PDE4D: variants seen among roughly 807,000 people sequenced by gnomAD.
PDE4D encodes the protein phosphodiesterase 4D.
A neutral mutation model predicts 87.4 loss-of-function variants in PDE4D; 24 were observed. That is an observed-to-expected ratio of 0.27 (90% confidence interval 0.20 to 0.39). The LOEUF (loss-of-function observed/expected upper bound fraction) is 0.39. Among genes scored for constraint, PDE4D ranks in the 10% least tolerant of loss-of-function variants. The probability of loss-of-function intolerance (pLI) is 1.00; values close to 1 mark genes in which losing one functional copy is unlikely to be tolerated. For synonymous variants in PDE4D, 384 were observed against 383.2 expected, an observed-to-expected ratio of 1.00 and a Z score of -0.02; for missense variants, 714 against 1,041.0, an observed-to-expected ratio of 0.69 and a Z score of 4.32.
At chr5:60,191,155 CTG>C (rs1355679951) in intron 1 of PDE4D, among the ~76,000 whole-genome samples, 4 of 152,212 alleles carry the variant, frequency 2.6e-5, no homozygotes, top group Admixed American at 2.6e-4. Context: ...TCTACTGACT[CTG>C]AGGTCCAATA....
At chr5:59,584,927 G>A (rs1204458826) in intron 1 of PDE4D, among the ~76,000 whole-genome samples, 1 of 152,136 alleles carries the variant, frequency 6.6e-6, no homozygotes, top group Admixed American at 6.5e-5. Flanking sequence ...TTAATCTCAA[G>A]ATTAAAGACT....
chr5:59,737,734 TGACC>T (rs1353112646), intron 1 of PDE4D, among the ~76,000 whole-genome samples: 11 of 152,230 alleles, frequency 7.2e-5, no homozygotes, highest in African/African-American at 2.6e-4. Flanking sequence ...ATATTGCTAT[TGACC>T]CAATGTTTAA....
intron 3 of PDE4D, among the ~76,000 whole-genome samples, chr5:59,981,015 G>A (rs1422577521): frequency 6.6e-6 from 1 of 152,144 alleles, no homozygotes; most frequent in Non-Finnish European, 1.5e-5. Flanking sequence ...ACTTTGGGAG[G>A]CTGAGGCAGG....
chr5:59,531,955 C>T (rs1305364663), intron 1 of PDE4D, among the ~76,000 whole-genome samples: 1 of 152,146 alleles, frequency 6.6e-6, no homozygotes, highest in African/African-American at 2.4e-5. Flanking sequence ...CAAAAGGTCA[C>T]AGATTTTTAT....
chr5:59,292,514 T>C (rs1022635660), intron 1 of PDE4D, among the ~76,000 whole-genome samples: 1 of 152,180 alleles, frequency 6.6e-6, no homozygotes, highest in Non-Finnish European at 1.5e-5. Context: ...GTGGCTACTA[T>C]TAAACTCATT....
intron 1 of PDE4D, among the ~76,000 whole-genome samples, chr5:59,572,638 G>A (rs939772029): frequency 3.2e-4 from 48 of 152,112 alleles, no homozygotes; most frequent in African/African-American, 1.1e-3. Context: ...CCGCCACCAC[G>A]CCCAGCTAAT....
intron 2 of PDE4D, among the ~76,000 whole-genome samples, chr5:59,194,107 G>A (rs944434822): frequency 5.3e-5 from 8 of 152,182 alleles, no homozygotes; most frequent in African/African-American, 1.9e-4. Flanking sequence ...TACTCCTTGT[G>A]TGCTGTTGCT....
At chr5:59,625,418 AC>A (rs1830788239) in intron 1 of PDE4D, among the ~76,000 whole-genome samples, 1 of 151,966 alleles carries the variant, frequency 6.6e-6, no homozygotes, top group South Asian at 2.1e-4. Context: ...GCTGGTTAGC[AC>A]CTTAATTTCA....
At chr5:59,187,723 A>AC (rs1441526790) in intron 3 of PDE4D, among the ~76,000 whole-genome samples, 1 of 152,158 alleles carries the variant, frequency 6.6e-6, no homozygotes, top group Non-Finnish European at 1.5e-5. Flanking sequence ...TCTTGTAGAG[A>AC]AATTATTTCC....
At chr5:59,485,182 G>T (rs1804909678) in intron 1 of PDE4D, among the ~76,000 whole-genome samples, 1 of 152,154 alleles carries the variant, frequency 6.6e-6, no homozygotes, top group African/African-American at 2.4e-5. Flanking sequence ...ACAGTAAGTA[G>T]TTACTTGTTA....
At chr5:59,135,043 C>G (rs980298988) in intron 5 of PDE4D, among the ~76,000 whole-genome samples, 1 of 152,184 alleles carries the variant, frequency 6.6e-6, no homozygotes, top group African/African-American at 2.4e-5. Flanking sequence ...ATGTGCAATT[C>G]AGTGCGCACC....
At chr5:60,086,100 C>A (rs189495645) in intron 2 of PDE4D, among the ~76,000 whole-genome samples, 192 of 152,218 alleles carry the variant, frequency 1.3e-3, no homozygotes, top group African/African-American at 4.4e-3. Flanking sequence ...GCCAAAAATA[C>A]CACACACTGA....
chr5:59,829,208 A>G (rs1410679178), intron 1 of PDE4D, among the ~76,000 whole-genome samples: 1 of 152,054 alleles, frequency 6.6e-6, no homozygotes, highest in Non-Finnish European at 1.5e-5. Flanking sequence ...GGATACAGTC[A>G]CAGGAAAACA....
intron 1 of PDE4D, among the ~76,000 whole-genome samples, chr5:59,379,136 A>G (rs1785280449): frequency 6.6e-6 from 1 of 152,132 alleles, no homozygotes. Context: ...ACTAAGCCAC[A>G]ACACCCAAAC....
chr5:59,423,815 CTT>C (rs34296140), intron 1 of PDE4D, among the ~76,000 whole-genome samples: 13 of 142,390 alleles, frequency 9.1e-5, no homozygotes, highest in African/African-American at 2.1e-4. Flanking sequence ...GGAATGTAAC[CTT>C]TTTTTTTTTT....
At chr5:60,452,573 T>A (rs948365257) in intron 1 of PDE4D, among the ~76,000 whole-genome samples, 1 of 152,068 alleles carries the variant, frequency 6.6e-6, no homozygotes, top group African/African-American at 2.4e-5. Flanking sequence ...GAGTTTAAAA[T>A]TTGGTACAAA....
intron 1 of PDE4D, among the ~76,000 whole-genome samples, chr5:59,363,359 G>A (rs941055416): frequency 1.3e-5 from 2 of 152,234 alleles, no homozygotes; most frequent in African/African-American, 2.4e-5. Flanking sequence ...GAAGACTTAC[G>A]AAGTTGAAGT....
At chr5:60,310,255 T>C (rs1690081165) in intron 1 of PDE4D, among the ~76,000 whole-genome samples, 1 of 152,224 alleles carries the variant, frequency 6.6e-6, no homozygotes, top group African/African-American at 2.4e-5. Context: ...TTTACCAGCA[T>C]TTTAAAAAAT....
chr5:59,360,222 G>A lies in PDE4D; in HGVS notation c.456-144254C>T, dbSNP rs907087285. Among the ~76,000 whole-genome samples the A allele has an allele frequency of 9.9e-5, 15 of 152,248 alleles. No individual in the cohort carries two copies. In the South Asian group the frequency reaches 2.1e-3, roughly 21 times the overall value. ...TCCACATAGGCATTCAATTACTTGC[G>A]CATCAAGTCTCTAGTTAACAGGCAT... On this transcript the variant is annotated intron_variant, in intron 1 of 14. Transcript: ENST00000340635.
Sources: gnomAD v4.1 joint callset for allele counts (sites outside exome capture counted in the v4.1 genomes callset) on GRCh38, gnomAD v4.1.1 for gene constraint, MANE v1.5 for transcripts, NCBI Gene and HGNC (gene_info 2026-07-23, HGNC 2026-07-21) for gene names.